The following OSBPL1A variants were observed in gnomAD, a reference collection of about 807,000 sequenced individuals.
OSBPL1A encodes oxysterol binding protein like 1A.
In OSBPL1A, 80 loss-of-function variants were observed where a neutral mutation model predicts 137.1. The observed-to-expected ratio is 0.58, with a 90% confidence interval of 0.49 to 0.70. The LOEUF (loss-of-function observed/expected upper bound fraction) is 0.70, where lower values mean the gene tolerates loss of function less well. OSBPL1A is among the 30% of genes least tolerant of loss of function. The pLI, the probability that OSBPL1A is intolerant of heterozygous loss-of-function variation, is 0.00. For synonymous variants in OSBPL1A, 365 were observed against 389.7 expected (o/e 0.94, Z 0.75); for missense variants, 970 against 1,129.4 (o/e 0.86, Z 2.02).
chr18:24,199,393 C>A (rs945593557), intron 17 of OSBPL1A, among the ~76,000 whole-genome samples: 1 of 151,972 alleles, frequency 6.6e-6, no homozygotes, highest in African/African-American at 2.4e-5. Context: ...CCCCCGGCTC[C>A]CCCAGCTGCT....
chr18:24,327,101 TTTC>T (rs1454724554), intron 7 of OSBPL1A, among the ~76,000 whole-genome samples: 1 of 136,766 alleles, frequency 7.3e-6, no homozygotes, highest in Non-Finnish European at 1.6e-5. Flanking sequence ...TTATGGTTTT[TTTC>T]TTTTTTCTTT....
At chr18:24,301,748 C>T (rs1270766637) in intron 14 of OSBPL1A, among the ~76,000 whole-genome samples, 2 of 152,126 alleles carry the variant, frequency 1.3e-5, no homozygotes, top group South Asian at 2.1e-4. Flanking sequence ...ACTGCCCTTC[C>T]CAAGGCTATA....
chr18:24,276,743 G>A (rs537502590), intron 15 of OSBPL1A, among the ~76,000 whole-genome samples: 5 of 152,158 alleles, frequency 3.3e-5, no homozygotes, highest in Non-Finnish European at 5.9e-5. Flanking sequence ...ATGAGCCATA[G>A]GCCATAGCAG....
chr18:24,227,228 A>G (rs2088112786), intron 16 of OSBPL1A, among the ~76,000 whole-genome samples: 1 of 152,120 alleles, frequency 6.6e-6, no homozygotes, highest in African/African-American at 2.4e-5. Flanking sequence ...TTAAAGAGAC[A>G]TTTATTTTTC....
chr18:24,318,736 A>G lies in OSBPL1A; in HGVS notation c.687+12T>C. 1 of 1,608,392 alleles carries G rather than the reference A, an allele frequency of 6.2e-7. No individual in the cohort carries two copies. The highest frequency in any genetic ancestry group is 2.2e-5 in the East Asian group (1 of 44,818). On this transcript the variant is annotated intron_variant, in intron 8 of 27. Coordinates refer to ENST00000319481, the MANE Select transcript of OSBPL1A (RefSeq NM_080597.4). ...AAAAATTATTAGATAAATTTAATTCATTACTCTGTACCTTATTACCAACAA... is the reference window on the plus strand; with the variant it reads ...AAAAATTATTAGATAAATTTAATTCGTTACTCTGTACCTTATTACCAACAA...
chr18:24,167,872 C>T (rs956361911), intron 24 of OSBPL1A, among the ~76,000 whole-genome samples: 1 of 152,108 alleles, frequency 6.6e-6, no homozygotes, highest in Non-Finnish European at 1.5e-5. Context: ...TACATGAGGG[C>T]AGGGACACTG....
intron 16 of OSBPL1A, among the ~76,000 whole-genome samples, chr18:24,235,720 G>A (rs1567965287): frequency 2.0e-5 from 3 of 152,218 alleles, no homozygotes; most frequent in Admixed American, 6.5e-5. Flanking sequence ...TCTAGCAAGA[G>A]ATCAAGGCTG....
chr18:24,188,996 G>C (rs1159033935), intron 18 of OSBPL1A, among the ~76,000 whole-genome samples: 1 of 152,182 alleles, frequency 6.6e-6, no homozygotes, highest in African/African-American at 2.4e-5. Context: ...CAAGCTTCAG[G>C]AAGAAACACT....
chr18:24,333,077 G>T lies in OSBPL1A; in HGVS notation c.490C>A (p.Pro164Thr). Reference protein sequence around the residue: ...TTELTALLNRPNPPDVNCSDQ... With the variant: ...TTELTALLNRTNPPDVNCSDQ... ...GAACAGTTAACATCAGGAGGATTGG[G>T]CCTGTTGAGCTAACAATTAAAAAAA... is the stretch of plus-strand genomic sequence containing the variant. Residue 164 changes from proline (P) to threonine (T), a missense_variant, in exon 7 of 28, where the codon CCC (proline) becomes ACC (threonine). Pro to Thr is a conservative substitution (Grantham distance 38). Transcript: ENST00000319481. 6.2e-7 allele frequency: 1 copy of T among 1,612,736 alleles called. No homozygotes were observed. Among genetic ancestry groups the T allele is most frequent in the Non-Finnish European group, 8.5e-7 (1 of 1,179,462 alleles).
intron 15 of OSBPL1A, among the ~76,000 whole-genome samples, chr18:24,246,142 G>A (rs1355474735): frequency 6.6e-6 from 1 of 152,056 alleles, no homozygotes; most frequent in Non-Finnish European, 1.5e-5. Flanking sequence ...AACCTGGGAG[G>A]CAGAGGTTGT....
At position 24,239,335 on chromosome 18, in the gene OSBPL1A, C is replaced by T. The variant is rs1272890098; in HGVS notation, c.1329G>A (p.Leu443=). Residue 443 remains leucine, a synonymous_variant, in exon 16 of 28, where the codon TTG becomes TTA. Coordinates refer to ENST00000319481, the MANE Select transcript of OSBPL1A (RefSeq NM_080597.4). ...TGGCCAGCGTCTCCAGTGCTTCTGA[C>T]AAGATTTTGTTTTTTTCTTGCTCTT... ...LEQEQEKNKI[L]SEALETLATE... 8 of 1,614,010 alleles carry T rather than the reference C, an allele frequency of 5.0e-6. No individual in the cohort carries two copies. The East Asian group carries it at 1.8e-4, about 36-fold the overall frequency.
chr18:24,359,633 C>G lies in OSBPL1A; in HGVS notation c.282+7259G>C, dbSNP rs1046530330. 5.9e-5 allele frequency among the ~76,000 whole-genome samples: 9 copies of G among 151,774 alleles called. No homozygotes were observed. The East Asian group carries it at 1.7e-3, about 29-fold the overall frequency. On this transcript the variant is annotated intron_variant, in intron 4 of 27. Coordinates refer to ENST00000319481, the MANE Select transcript of OSBPL1A (RefSeq NM_080597.4). ...TCAAGGCTGCAGTGAGCTATGAGGG[C>G]CCCACTGCACTCCAGCATGGGTGAA...
Position 24,178,196 on chromosome 18 carries a change from C to CT in OSBPL1A, c.1911-2dup, listed in dbSNP as rs2086499655. The CT allele has an allele frequency of 9.0e-7, 1 of 1,112,590 alleles. No individual in the cohort carries two copies. 68.9% of individuals were successfully genotyped at this position (1,112,590 alleles called of 1,614,324 possible). On this transcript the variant is annotated splice_acceptor_variant, in intron 20 of 27. Transcript: ENST00000319481. LOFTEE classifies it high-confidence loss of function. ...GATGAGTCTAAATCCAAGGTCATCT[C>CT]TTAAGATTTAAAAAAAAAAAAAAAG...
intron 14 of OSBPL1A, among the ~76,000 whole-genome samples, chr18:24,293,592 G>A (rs953186639): frequency 5.3e-5 from 8 of 152,184 alleles, no homozygotes; most frequent in African/African-American, 9.7e-5. Flanking sequence ...AAGACCTAGG[G>A]AAGGAAGGGA....
chr18:24,167,278 C>A (rs760885297), intron 25 of OSBPL1A, 51 bp downstream of exon 25: 1 of 1,533,470 alleles, frequency 6.5e-7, no homozygotes, highest in South Asian at 1.1e-5. Context: ...GAAAGAGCGC[C>A]ACAATGCTAA....
intron 22 of OSBPL1A, 94 bp downstream of exon 22, chr18:24,172,282 T>C (rs2086307545): frequency 1.1e-6 from 1 of 951,910 alleles, no homozygotes; most frequent in African/African-American, 1.7e-5. Context: ...TTCTAGAGCT[T>C]TTCTTTAAAA....
At position 24,238,754 on chromosome 18, in the gene OSBPL1A, C is replaced by G. The variant is rs951228008; in HGVS notation, c.1444+466G>C. On this transcript the variant is annotated intron_variant, in intron 16 of 27. Transcript: ENST00000319481. The stretch of plus-strand genomic sequence containing the variant: ...AGTTAAACACCTCCTCTTCTCTGCT[C>G]CAGACACATGGTGGTCTCACCTCTA... Among the ~76,000 whole-genome samples, 4 of 152,210 alleles carry G rather than the reference C, an allele frequency of 2.6e-5. No individual in the cohort carries two copies. In the East Asian group the frequency reaches 7.7e-4, roughly 29 times the overall value.
At chr18:24,190,644 T>C (rs532130365) in intron 18 of OSBPL1A, among the ~76,000 whole-genome samples, 1 of 152,234 alleles carries the variant, frequency 6.6e-6, no homozygotes, top group Non-Finnish European at 1.5e-5. Context: ...GGGGTAGAGA[T>C]ACCAAATTTT....
chr18:24,323,430 T>C (rs2090906314), intron 7 of OSBPL1A, among the ~76,000 whole-genome samples: 1 of 30,070 alleles, frequency 3.3e-5, no homozygotes, highest in Non-Finnish European at 7.6e-5. Context: ...TTCACCATCT[T>C]GGCCAGGCTG....
Sources: gnomAD v4.1 joint callset for allele counts (sites outside exome capture counted in the v4.1 genomes callset) on GRCh38, gnomAD v4.1.1 for gene constraint, MANE v1.5 for transcripts, NCBI Gene and HGNC (gene_info 2026-07-23, HGNC 2026-07-21) for gene names.